The following ZNF710 variants were observed in gnomAD, a reference collection of about 807,000 sequenced individuals.
The protein encoded by ZNF710 is zinc finger protein 710.
A neutral mutation model predicts 50.6 loss-of-function variants in ZNF710; 13 were observed. The observed-to-expected ratio is 0.26, with a 90% confidence interval of 0.17 to 0.41. The LOEUF (loss-of-function observed/expected upper bound fraction) is 0.41, where lower values mean the gene tolerates loss of function less well. Ranked by LOEUF, ZNF710 falls within the 10% of genes least tolerant of loss-of-function variation. The probability of loss-of-function intolerance (pLI) is 1.00; values close to 1 mark genes in which losing one functional copy is unlikely to be tolerated. For synonymous variants in ZNF710, 383 were observed against 397.0 expected (o/e 0.96, Z 0.42); for missense variants, 721 against 936.6 (o/e 0.77, Z 3.01).
At chr15:90,041,238 G>A (rs1899286732) in intron 1 of ZNF710, among the ~76,000 whole-genome samples, 1 of 151,890 alleles carries the variant, frequency 6.6e-6, no homozygotes, top group South Asian at 2.1e-4. Flanking sequence ...GTCTCACTCT[G>A]TCACCCAAGC....
chr15:90,029,650 CTG>C (rs1898874947), intron 1 of ZNF710, among the ~76,000 whole-genome samples: 1 of 152,132 alleles, frequency 6.6e-6, no homozygotes, highest in African/African-American at 2.4e-5. Context: ...AGTCTCAACT[CTG>C]TCGTCTAGGC....
At chr15:90,046,869 G>A (rs927848964) in intron 1 of ZNF710, among the ~76,000 whole-genome samples, 1 of 152,160 alleles carries the variant, frequency 6.6e-6, no homozygotes, top group Non-Finnish European at 1.5e-5. Context: ...TATGCTCCAG[G>A]AAAGGGATCA....
At chr15:90,036,888 C>T (rs554106695) in intron 1 of ZNF710, among the ~76,000 whole-genome samples, 30 of 152,300 alleles carry the variant, frequency 2.0e-4, no homozygotes, top group Middle Eastern at 3.4e-3. Flanking sequence ...CAGTTCACAT[C>T]GGGGAATTCT....
At chr15:90,020,482 C>G (rs1168705355) in intron 1 of ZNF710, among the ~76,000 whole-genome samples, 1 of 99,966 alleles carries the variant, frequency 1.0e-5, no homozygotes, top group African/African-American at 4.0e-5. Context: ...CCCGAACTGC[C>G]TCCCCGCCCC....
At chr15:90,015,894 T>C (rs942380882) in intron 1 of ZNF710, among the ~76,000 whole-genome samples, 1 of 152,076 alleles carries the variant, frequency 6.6e-6, no homozygotes, top group Non-Finnish European at 1.5e-5. Context: ...CAGGCGTGAG[T>C]CACCGCGCCC....
intron 1 of ZNF710, among the ~76,000 whole-genome samples, chr15:90,003,613 GAC>G (rs1898069454): frequency 6.6e-6 from 1 of 152,252 alleles, no homozygotes; most frequent in Non-Finnish European, 1.5e-5. Context: ...TTAGATAAGA[GAC>G]AGTGTATTCC....
At position 90,004,869 on chromosome 15, in the gene ZNF710, G is replaced by A. The variant is rs182497171; in HGVS notation, c.-29+3255G>A. Among the ~76,000 whole-genome samples the A allele has an allele frequency of 4.5e-4, 68 of 152,372 alleles. 1 individual carries two copies. Among genetic ancestry groups the A allele is most frequent in the Admixed American group, 1.4e-3 (21 of 15,306 alleles). On this transcript the variant is annotated intron_variant, in intron 1 of 4. Transcript: ENST00000268154. The stretch of plus-strand genomic sequence containing the variant: ...ATGTGTTACAGAAACTGTGCTGGAG[G>A]ATGTGACTGGCCAGTGAGACAACTA...
At chr15:90,014,842 A>G (rs1279272425) in intron 1 of ZNF710, among the ~76,000 whole-genome samples, 1 of 152,024 alleles carries the variant, frequency 6.6e-6, no homozygotes, top group Non-Finnish European at 1.5e-5. Context: ...CATTTCCTTA[A>G]TATCTAAAGA....
chr15:90,035,332 C>T (rs771302158), intron 1 of ZNF710, among the ~76,000 whole-genome samples: 8 of 152,208 alleles, frequency 5.3e-5, no homozygotes, highest in Non-Finnish European at 1.0e-4. Flanking sequence ...CCGTCCGGCT[C>T]CTGCAGCAGT....
intron 1 of ZNF710, among the ~76,000 whole-genome samples, chr15:90,016,332 G>T (rs769649811): frequency 3.3e-5 from 5 of 152,182 alleles, no homozygotes; most frequent in Non-Finnish European, 5.9e-5. Context: ...AGTCTGAAAT[G>T]ACTTGCCCAA....
intron 1 of ZNF710, among the ~76,000 whole-genome samples, chr15:90,016,183 A>G (rs768333958): frequency 5.3e-5 from 8 of 152,198 alleles, no homozygotes; most frequent in Admixed American, 1.3e-4. Flanking sequence ...AAGGATGGGT[A>G]GAAAGAAAGG....
intron 1 of ZNF710, among the ~76,000 whole-genome samples, chr15:90,052,988 G>T (rs774702788): frequency 6.6e-6 from 1 of 150,586 alleles, no homozygotes; most frequent in Non-Finnish European, 1.5e-5. Context: ...CCCTGGGACA[G>T]CCTGTCCCTT....
Position 90,067,792 on chromosome 15 carries a change from G to C in ZNF710, c.655G>C (p.Glu219Gln). 1 of 1,582,076 alleles carries C rather than the reference G, an allele frequency of 6.3e-7. No homozygotes were observed. The highest frequency in any genetic ancestry group is 8.6e-7 in the Non-Finnish European group (1 of 1,164,826). The change falls in exon 2 of 5, where the codon GAG (glutamate) becomes CAG (glutamine). Residue 219 changes from glutamate (E) to glutamine (Q), a missense_variant. This residue lies in a region of ZNF710 where 326 missense variants were observed against 347.1 expected (regional missense o/e 0.94). Transcript: ENST00000268154. This position sits in a 1 kb window ranked among gnomAD's most constrained non-coding sequence, Gnocchi z 8.1. Reference protein sequence around the residue: ...PEALPTECGFEPPHLAPLSDP... With the variant: ...PEALPTECGFQPPHLAPLSDP... ...GGCCTTGCCCACAGAGTGTGGGTTC[G>C]AGCCACCCCACCTGGCCCCCCTGAG...
Position 90,079,832 on chromosome 15 carries a change from C to T in ZNF710, c.*3C>T, listed in dbSNP as rs1401223831. ...TGGCCTACTACAATGTGCTATAGCG[C>T]AAGCTGGGCCACCCCTAACGGGGGC... On this transcript the variant is annotated 3_prime_UTR_variant, in exon 5 of 5. Transcript: ENST00000268154. 1 of 1,583,514 alleles carries T rather than the reference C, an allele frequency of 6.3e-7. No homozygotes were observed. Among genetic ancestry groups the T allele is most frequent in the Non-Finnish European group, 8.6e-7 (1 of 1,167,738 alleles).
chr15:90,023,945 G>A (rs1898696881), intron 1 of ZNF710, among the ~76,000 whole-genome samples: 1 of 151,714 alleles, frequency 6.6e-6, no homozygotes, highest in African/African-American at 2.4e-5. Context: ...GTTGCAGTGA[G>A]CCGAGATCGT....
chr15:90,039,454 T>C (rs1306642435), intron 1 of ZNF710, among the ~76,000 whole-genome samples: 2 of 152,186 alleles, frequency 1.3e-5, no homozygotes, highest in African/African-American at 4.8e-5. Flanking sequence ...ACTGTGGGGC[T>C]TTCTGCAGTG....
intron 1 of ZNF710, among the ~76,000 whole-genome samples, chr15:90,033,782 A>G (rs1359430103): frequency 6.6e-6 from 1 of 152,186 alleles, no homozygotes; most frequent in Non-Finnish European, 1.5e-5. Context: ...TCCTTGATTC[A>G]AGGCAGAGCA....
rs1899928925 is a variant in ZNF710, at chr15:90,059,289, A to G, written c.-28-7821A>G. Reference sequence around the variant, plus strand: ...AGAGGGGCAGTGGAGCCTGCCTGGGAGCCATCTTGGGCAGCAAATGAAGGC... The same window carrying G: ...AGAGGGGCAGTGGAGCCTGCCTGGGGGCCATCTTGGGCAGCAAATGAAGGC... On this transcript the variant is annotated intron_variant, in intron 1 of 4. Transcript: ENST00000268154. The surrounding 1 kb of genome is among the most constrained non-coding windows in gnomAD (Gnocchi z 4.1). 6.6e-6 allele frequency among the ~76,000 whole-genome samples: 1 copy of G among 152,126 alleles called. No individual in the cohort carries two copies. The highest frequency in any genetic ancestry group is 1.5e-5 in the Non-Finnish European group (1 of 68,012).
At chr15:90,041,109 G>A (rs1899282182) in intron 1 of ZNF710, among the ~76,000 whole-genome samples, 1 of 151,754 alleles carries the variant, frequency 6.6e-6, no homozygotes. Flanking sequence ...TCTATTGGAT[G>A]TTTATCTATT....
Sources: gnomAD v4.1 joint callset for allele counts (sites outside exome capture counted in the v4.1 genomes callset) on GRCh38, gnomAD v4.1.1 for gene constraint, gnomAD v4.1.1 regional missense constraint, Gnocchi (gnomAD v3.1) non-coding constraint, MANE v1.5 for transcripts, NCBI Gene and HGNC (gene_info 2026-07-23, HGNC 2026-07-21) for gene names.